Variants in ALPL observed in about 807,000 individuals in gnomAD.
ALPL encodes the protein alkaline phosphatase, tissue-nonspecific isozyme.
In ALPL, 42 loss-of-function variants were observed where a neutral mutation model predicts 51.3. That is an observed-to-expected ratio of 0.82 (90% CI 0.64 to 1.06). The LOEUF is 1.06. Among genes scored for constraint, ALPL ranks in the 50% least tolerant of loss-of-function variants. ALPL has a pLI of 0.00. For missense variants in ALPL, 589 were observed against 709.4 expected (o/e 0.83, Z 1.93); for synonymous variants, 279 against 296.4 (o/e 0.94, Z 0.60).
intron 1 of ALPL, among the ~76,000 whole-genome samples, chr1:21,542,624 G>A (rs547983551): frequency 9.0e-4 from 137 of 152,152 alleles, no homozygotes; most frequent in African/African-American, 3.0e-3. Context: ...GGCGGATCAC[G>A]TGAGGCCAGG....
chr1:21,510,274 G>A (rs1367688793), intron 1 of ALPL, among the ~76,000 whole-genome samples: 1 of 152,232 alleles, frequency 6.6e-6, no homozygotes, highest in Non-Finnish European at 1.5e-5. Flanking sequence ...GCCGAGGAAA[G>A]CCTCCCCCAC....
At position 21,564,227 on chromosome 1, in the gene ALPL, G is replaced by A. The variant is rs760066009; in HGVS notation, c.648+11G>A. 6.2e-6 allele frequency: 10 copies of A among 1,612,780 alleles called. No homozygotes were observed. Among genetic ancestry groups the A allele is most frequent in the African/African-American group, 4.0e-5 (3 of 74,912 alleles). ...ATCAGGGACATTGACGTGAGTGCTC[G>A]GGGGCAGCCGGGCAGGGACGGGGTG... On this transcript the variant is annotated intron_variant, in intron 6 of 11. Transcript: ENST00000374840. This position sits in a 1 kb window ranked among gnomAD's most constrained non-coding sequence, Gnocchi z 5.8.
At chr1:21,511,836 G>T (rs1199686352) in intron 1 of ALPL, among the ~76,000 whole-genome samples, 1 of 152,306 alleles carries the variant, frequency 6.6e-6, no homozygotes, top group African/African-American at 2.4e-5. Context: ...CTGCAAGCTG[G>T]ATATGATCTT....
intron 8 of ALPL, 55 bp from the exon 9 acceptor site, chr1:21,573,610 C>T (rs894590186): frequency 1.6e-5 from 26 of 1,605,776 alleles, no homozygotes; most frequent in Admixed American, 1.4e-4. Flanking sequence ...CCTTGGAGTC[C>T]TCCTAGCCGG....
intron 1 of ALPL, among the ~76,000 whole-genome samples, chr1:21,528,342 GTTTTT>G (rs11368122): frequency 3.6e-5 from 4 of 111,940 alleles, no homozygotes; most frequent in Admixed American, 2.0e-4. Flanking sequence ...GACCTATTCA[GTTTTT>G]TTTTTTTTTT....
chr1:21,552,939 T>C (rs1480910717), intron 1 of ALPL, among the ~76,000 whole-genome samples: 3 of 152,334 alleles, frequency 2.0e-5, no homozygotes, highest in East Asian at 3.8e-4. Flanking sequence ...TTGTAACTCA[T>C]GTGCAACAGG....
intron 1 of ALPL, among the ~76,000 whole-genome samples, chr1:21,525,737 C>CA (rs1323135377): frequency 1.3e-5 from 2 of 152,212 alleles, no homozygotes; most frequent in African/African-American, 4.8e-5. Flanking sequence ...CCTGTAGTCC[C>CA]AGCACTTTGG....
At chr1:21,519,357 G>A (rs563230313) in intron 1 of ALPL, among the ~76,000 whole-genome samples, 1 of 152,318 alleles carries the variant, frequency 6.6e-6, no homozygotes, top group South Asian at 2.1e-4. Flanking sequence ...CGGCCTCTGC[G>A]TCTTTCTCTC....
chr1:21,517,985 G>T (rs1005360852), intron 1 of ALPL, among the ~76,000 whole-genome samples: 2 of 151,898 alleles, frequency 1.3e-5, no homozygotes, highest in African/African-American at 4.8e-5. Flanking sequence ...TCATTGTGTG[G>T]GTGGGGGTAG....
chr1:21,578,159 A>G lies in ALPL; in HGVS notation c.*511A>G. Reference sequence around the variant, plus strand: ...TTCTCCTCAGGACAAGGCCTTGCTCACTCACTCACTCCAAGACCACCAGGG... The same window carrying G: ...TTCTCCTCAGGACAAGGCCTTGCTCGCTCACTCACTCCAAGACCACCAGGG... On this transcript the variant is annotated 3_prime_UTR_variant, in exon 12 of 12. Transcript: ENST00000374840. The surrounding 1 kb of genome is among the most constrained non-coding windows in gnomAD (Gnocchi z 4.2). 6.2e-6 allele frequency: 1 copy of G among 161,884 alleles called. No homozygotes were observed. Among genetic ancestry groups the G allele is most frequent in the Non-Finnish European group, 1.4e-5 (1 of 73,366 alleles). The allele number at this position is 161,884 out of a possible 1,614,324, so 10.0% of individuals were successfully genotyped here. A position where few individuals can be genotyped will look rare whatever the true frequency, so the allele number is the denominator to read the frequency against.
rs1382475812 is a variant in ALPL at position 21,554,859 on chromosome 1, TTCTTTCTTTCTTTC to T, written c.61+721_61+734del. On this transcript the variant is annotated intron_variant, in intron 2 of 11. Transcript: ENST00000374840. The stretch of plus-strand genomic sequence containing the variant: ...TTTCTTTCTTTCTTTCTTTCTTTCT[TTCTTTCTTTCTTTC>T]TCTCTTTCTTTCTTTTTCTTTCTTT... Among the ~76,000 whole-genome samples the T allele has an allele frequency of 4.8e-3, 649 of 134,022 alleles. 18 individuals carry two copies. The East Asian group carries it at 0.059, about 12-fold the overall frequency. 87.9% of individuals were successfully genotyped at this position (134,022 alleles called of 152,430 possible). A position where few individuals can be genotyped will look rare whatever the true frequency, so the allele number is the denominator to read the frequency against.
intron 8 of ALPL, among the ~76,000 whole-genome samples, chr1:21,571,683 CAA>C (rs2148179957): frequency 6.9e-6 from 1 of 144,778 alleles, no homozygotes; most frequent in Admixed American, 6.9e-5. Context: ...AAACAAAAAA[CAA>C]AGAACAAACA....
At chr1:21,573,882 A>G in intron 9 of ALPL, 83 bp downstream of exon 9, 1 of 1,599,650 alleles carries the variant, frequency 6.3e-7, no homozygotes, top group African/African-American at 1.3e-5. Context: ...TCTTAAAGGG[A>G]ACTGACTGGT....
chr1:21,554,176 G>C, intron 2 of ALPL, 34 bp downstream of exon 2: 1 of 1,607,528 alleles, frequency 6.2e-7, no homozygotes, highest in Non-Finnish European at 8.5e-7. Context: ...GGCATAAAAA[G>C]GTGGTGCAGA....
At chr1:21,514,903 G>A (rs1390530814) in intron 1 of ALPL, among the ~76,000 whole-genome samples, 1 of 152,088 alleles carries the variant, frequency 6.6e-6, no homozygotes, top group African/African-American at 2.4e-5. Context: ...AGACACCTTA[G>A]GATTACTCCT....
intron 1 of ALPL, among the ~76,000 whole-genome samples, chr1:21,540,802 G>A (rs1182134313): frequency 6.6e-6 from 1 of 152,052 alleles, no homozygotes; most frequent in Non-Finnish European, 1.5e-5. Context: ...CACCCCCACG[G>A]ACACTTCTGG....
At chr1:21,574,180 C>CT in intron 9 of ALPL, 1 of 985,476 alleles carries the variant, frequency 1.0e-6, no homozygotes, top group African/African-American at 1.7e-5. Flanking sequence ...TTCCCAGGCT[C>CT]TTTCAGCGCC....
Position 21,576,514 on chromosome 1 carries a change from C to CA in ALPL, c.1190-8_1190-7insA. Reference sequence around the variant, plus strand: ...AGCATGACCCCTGAACACCCCCTCCCTGTGCAGGTCTGGCCCCCATGCTGA... The same window carrying CA: ...AGCATGACCCCTGAACACCCCCTCCCATGTGCAGGTCTGGCCCCCATGCTGA... On this transcript the variant is annotated splice_polypyrimidine_tract_variant and splice_region_variant and intron_variant, in intron 10 of 11. Coordinates refer to ENST00000374840, the MANE Select transcript of ALPL (RefSeq NM_000478.6). The CA allele has an allele frequency of 1.2e-6, 2 of 1,613,708 alleles. No individual in the cohort carries two copies. The highest frequency in any genetic ancestry group is 8.5e-7 in the Non-Finnish European group (1 of 1,179,754).
intron 8 of ALPL, among the ~76,000 whole-genome samples, 189 bp from the exon 9 acceptor site, chr1:21,573,472 GAAAA>G (rs955871458): frequency 1.4e-5 from 2 of 147,108 alleles, no homozygotes; most frequent in African/African-American, 5.0e-5. Flanking sequence ...AAAGAAAAAA[GAAAA>G]AAAAAGGAAT....
Sources: gnomAD v4.1 joint callset for allele counts (sites outside exome capture counted in the v4.1 genomes callset) on GRCh38, gnomAD v4.1.1 for gene constraint, Gnocchi (gnomAD v3.1) non-coding constraint, MANE v1.5 for transcripts, NCBI Gene and HGNC (gene_info 2026-07-23, HGNC 2026-07-21) for gene names.